DSCAM: variants seen among roughly 807,000 people sequenced by gnomAD.
The protein encoded by DSCAM is cell adhesion molecule DSCAM.
A neutral mutation model predicts 217.7 loss-of-function variants in DSCAM; 47 were observed. The observed-to-expected ratio is 0.22, with a 90% confidence interval of 0.17 to 0.28. DSCAM has a LOEUF of 0.28. DSCAM is among the 10% of genes least tolerant of loss of function. The probability of loss-of-function intolerance (pLI) is 1.00; values close to 1 mark genes in which losing one functional copy is unlikely to be tolerated. For synonymous variants in DSCAM, 1,056 were observed against 1,015.3 expected (o/e 1.04, Z -0.76); for missense variants, 2,080 against 2,618.3 (o/e 0.79, Z 4.49).
intron 32 of DSCAM, 53 bp downstream of exon 32, chr21:40,042,318 C>G: frequency 1.9e-6 from 3 of 1,575,662 alleles, no homozygotes; most frequent in Non-Finnish European, 2.6e-6. Context: ...GAGGGAGGAC[C>G]AGGAAGGTGC....
chr21:40,409,154 G>A (rs1459252419), intron 3 of DSCAM, among the ~76,000 whole-genome samples: 1 of 152,128 alleles, frequency 6.6e-6, no homozygotes, highest in Non-Finnish European at 1.5e-5. Context: ...AGTAAATACT[G>A]GCAATACCTT....
At chr21:40,397,087 C>G (rs969338461) in intron 3 of DSCAM, among the ~76,000 whole-genome samples, 4 of 152,108 alleles carry the variant, frequency 2.6e-5, no homozygotes, top group Admixed American at 2.0e-4. Context: ...CTATAAAAAC[C>G]CCAATTTTAA....
intron 16 of DSCAM, among the ~76,000 whole-genome samples, chr21:40,161,062 G>C (rs1439089264): frequency 6.7e-6 from 1 of 150,206 alleles, no homozygotes; most frequent in African/African-American, 2.5e-5. Context: ...ATCAGACCTA[G>C]ATTCCACCCC....
chr21:40,752,392 G>A (rs2091238004), intron 1 of DSCAM, among the ~76,000 whole-genome samples: 1 of 152,130 alleles, frequency 6.6e-6, no homozygotes, highest in Non-Finnish European at 1.5e-5. Flanking sequence ...GCCAAATGCT[G>A]CAGCAAGAGG....
intron 20 of DSCAM, among the ~76,000 whole-genome samples, chr21:40,110,563 G>A (rs1295412133): frequency 6.6e-6 from 1 of 152,236 alleles, no homozygotes; most frequent in African/African-American, 2.4e-5. Context: ...AAAGCTGGAT[G>A]GAAGATGATT....
intron 18 of DSCAM, among the ~76,000 whole-genome samples, chr21:40,137,645 A>AC (rs2090229473): frequency 2.5e-5 from 1 of 40,498 alleles, no homozygotes; most frequent in Non-Finnish European, 5.9e-5. Context: ...ACACACACAC[A>AC]TTAACTGAAG....
intron 3 of DSCAM, among the ~76,000 whole-genome samples, chr21:40,612,589 G>A (rs551368746): frequency 1.3e-5 from 2 of 152,320 alleles, no homozygotes; most frequent in East Asian, 3.9e-4. Context: ...GCAGACGGGA[G>A]TTGCTCCACT....
At chr21:40,496,910 T>C (rs1046699319) in intron 3 of DSCAM, among the ~76,000 whole-genome samples, 2 of 152,152 alleles carry the variant, frequency 1.3e-5, no homozygotes, top group African/African-American at 4.8e-5. Context: ...TCATTAATCA[T>C]CAGCAAAATG....
chr21:40,800,392 C>A (rs1011128937), intron 1 of DSCAM, among the ~76,000 whole-genome samples: 4 of 152,054 alleles, frequency 2.6e-5, no homozygotes. Context: ...GCTGAGGGAG[C>A]AGGCTAGAAA....
At chr21:40,040,550 C>T (rs1053197936) in intron 32 of DSCAM, among the ~76,000 whole-genome samples, 1 of 151,376 alleles carries the variant, frequency 6.6e-6, no homozygotes, top group African/African-American at 2.4e-5. Context: ...AGGTGGGTAC[C>T]TGCTAGGACT....
At chr21:40,206,074 A>T (rs1369647132) in intron 11 of DSCAM, among the ~76,000 whole-genome samples, 1 of 152,196 alleles carries the variant, frequency 6.6e-6, no homozygotes, top group African/African-American at 2.4e-5. Context: ...GTGAAATCTG[A>T]CACAACGTGT....
intron 11 of DSCAM, among the ~76,000 whole-genome samples, chr21:40,218,376 T>C (rs2091262333): frequency 6.6e-6 from 1 of 152,190 alleles, no homozygotes; most frequent in Admixed American, 6.5e-5. Context: ...ACCATTACCA[T>C]GGTATTTTGG....
chr21:40,731,739 C>T (rs35074955), intron 1 of DSCAM, among the ~76,000 whole-genome samples: 12 of 124,380 alleles, frequency 9.6e-5, no homozygotes, highest in African/African-American at 1.6e-4. Flanking sequence ...CCCCCCCCCC[C>T]GCCCCCCGGG....
chr21:40,239,897 T>C (rs935855648), intron 11 of DSCAM, among the ~76,000 whole-genome samples: 5 of 152,128 alleles, frequency 3.3e-5, no homozygotes, highest in Admixed American at 1.3e-4. Flanking sequence ...TTCCAGGGGG[T>C]ACATACGCAG....
chr21:40,649,205 G>C (rs1431492391), intron 3 of DSCAM, among the ~76,000 whole-genome samples: 1 of 152,210 alleles, frequency 6.6e-6, no homozygotes, highest in Non-Finnish European at 1.5e-5. Context: ...CAGCTAGCTT[G>C]AACTTAAAAG....
At chr21:40,588,200 A>G (rs2076960311) in intron 3 of DSCAM, among the ~76,000 whole-genome samples, 3 of 152,148 alleles carry the variant, frequency 2.0e-5, no homozygotes, top group African/African-American at 7.2e-5. Context: ...CTGACTCCAA[A>G]GAACACTCAC....
At chr21:40,490,185 C>A (rs1410299723) in intron 3 of DSCAM, among the ~76,000 whole-genome samples, 1 of 152,134 alleles carries the variant, frequency 6.6e-6, no homozygotes, top group Non-Finnish European at 1.5e-5. Flanking sequence ...AAAGACCCAC[C>A]CCCATGATTC....
At chr21:40,399,185 G>A (rs1289178143) in intron 3 of DSCAM, among the ~76,000 whole-genome samples, 1 of 152,180 alleles carries the variant, frequency 6.6e-6, no homozygotes, top group Non-Finnish European at 1.5e-5. Flanking sequence ...CAGGAAGACT[G>A]CTTGAAACTG....
intron 3 of DSCAM, among the ~76,000 whole-genome samples, chr21:40,405,689 T>C (rs1006368477): frequency 6.6e-6 from 1 of 152,182 alleles, no homozygotes; most frequent in Non-Finnish European, 1.5e-5. Flanking sequence ...TGGACTTGAA[T>C]ACTTGTTTTA....
Sources: gnomAD v4.1 joint callset for allele counts (sites outside exome capture counted in the v4.1 genomes callset) on GRCh38, gnomAD v4.1.1 for gene constraint, MANE v1.5 for transcripts, NCBI Gene and HGNC (gene_info 2026-07-23, HGNC 2026-07-21) for gene names.